CSMD3: variants seen among roughly 807,000 people sequenced by gnomAD.
CSMD3 encodes the protein CUB and sushi domain-containing protein 3.
CSMD3 carries 177 observed loss-of-function variants against 435.2 expected under a neutral mutation model. The observed-to-expected ratio is 0.41, with a 90% CI of 0.36 to 0.46. CSMD3 has a LOEUF of 0.46. Among genes scored for constraint, CSMD3 ranks in the 20% least tolerant of loss-of-function variants. The pLI, the probability that CSMD3 is intolerant of heterozygous loss-of-function variation, is 0.34. For missense variants in CSMD3, 4,265 were observed against 4,504.6 expected, an observed-to-expected ratio of 0.95 and a Z score of 1.52; for synonymous variants, 1,656 against 1,520.5, an observed-to-expected ratio of 1.09 and a Z score of -2.07.
rs545386567 is a variant in CSMD3 at position 113,160,404 on chromosome 8, T to C, written c.709+13318A>G. 7.2e-5 allele frequency among the ~76,000 whole-genome samples: 11 copies of C among 152,064 alleles called. No homozygotes were observed. The South Asian group carries it at 2.3e-3, about 32-fold the overall frequency. On this transcript the variant is annotated intron_variant, in intron 4 of 70. Transcript: ENST00000297405. ...ATTTTTAAGTGTTGAATTCAAAACG[T>C]CTAACGTATTCAAGGTGTTCAGTCA...
intron 69 of CSMD3, among the ~76,000 whole-genome samples, chr8:112,230,275 T>C (rs1812967293): frequency 6.6e-6 from 1 of 152,328 alleles, no homozygotes; most frequent in Non-Finnish European, 1.5e-5. Flanking sequence ...ACTATGTTAA[T>C]GAGTGTTTTT....
chr8:113,422,069 G>A (rs956948548), intron 1 of CSMD3, among the ~76,000 whole-genome samples: 3 of 152,048 alleles, frequency 2.0e-5, no homozygotes, highest in Non-Finnish European at 4.4e-5. Context: ...CCTGTAAATC[G>A]TTTACTAATC....
At chr8:113,243,877 T>C (rs1012671002) in intron 3 of CSMD3, among the ~76,000 whole-genome samples, 1 of 152,192 alleles carries the variant, frequency 6.6e-6, no homozygotes, top group African/African-American at 2.4e-5. Context: ...AACATGTTTA[T>C]GTGCTTATTG....
At chr8:112,368,944 T>A (rs1041175207) in intron 38 of CSMD3, among the ~76,000 whole-genome samples, 1 of 152,158 alleles carries the variant, frequency 6.6e-6, no homozygotes, top group Non-Finnish European at 1.5e-5. Flanking sequence ...TACTTGAAAA[T>A]GTTAGCTTTT....
intron 9 of CSMD3, among the ~76,000 whole-genome samples, chr8:112,938,109 G>C (rs753816697): frequency 1.1e-4 from 17 of 152,088 alleles, no homozygotes; most frequent in African/African-American, 4.1e-4. Flanking sequence ...CAGGCTGCTG[G>C]AACTGCCTGT....
intron 5 of CSMD3, among the ~76,000 whole-genome samples, chr8:113,055,922 A>G (rs2088315307): frequency 6.6e-6 from 1 of 152,200 alleles, no homozygotes; most frequent in South Asian, 2.1e-4. Flanking sequence ...AAGGTCTTAT[A>G]TGAGAAGCTG....
chr8:113,347,931 G>C (rs938958100), intron 1 of CSMD3, among the ~76,000 whole-genome samples: 4 of 152,026 alleles, frequency 2.6e-5, no homozygotes, highest in Non-Finnish European at 5.9e-5. Flanking sequence ...TATTTTCCAG[G>C]AGTGAATACC....
chr8:112,570,857 T>G (rs1829450806), intron 24 of CSMD3, among the ~76,000 whole-genome samples: 1 of 152,154 alleles, frequency 6.6e-6, no homozygotes, highest in Admixed American at 6.6e-5. Context: ...ATATGGAAAT[T>G]TTTAGTTTTA....
intron 13 of CSMD3, among the ~76,000 whole-genome samples, chr8:112,796,624 C>CT (rs1276872465): frequency 1.3e-5 from 2 of 151,966 alleles, no homozygotes; most frequent in Admixed American, 6.6e-5. Flanking sequence ...AAAGAACTCT[C>CT]TTTTTTTCTT....
At chr8:112,866,042 G>A (rs137865593) in intron 10 of CSMD3, among the ~76,000 whole-genome samples, 2 of 152,136 alleles carry the variant, frequency 1.3e-5, no homozygotes, top group Non-Finnish European at 2.9e-5. Context: ...GAACAAGCAC[G>A]TCCTACTGCC....
chr8:113,340,041 T>C (rs1479086109), intron 1 of CSMD3, among the ~76,000 whole-genome samples: 2 of 152,042 alleles, frequency 1.3e-5, no homozygotes, highest in African/African-American at 2.4e-5. Flanking sequence ...TTTACTTAAC[T>C]TTGAAGTATA....
At chr8:112,903,190 G>A (rs1421565852) in intron 10 of CSMD3, among the ~76,000 whole-genome samples, 3 of 147,348 alleles carry the variant, frequency 2.0e-5, no homozygotes, top group Non-Finnish European at 4.5e-5. Flanking sequence ...AGAAAACATG[G>A]CCTAGGAGAT....
At chr8:113,329,360 T>C (rs536065292) in intron 1 of CSMD3, among the ~76,000 whole-genome samples, 28 of 151,314 alleles carry the variant, frequency 1.9e-4, no homozygotes, top group Non-Finnish European at 1.6e-4. Flanking sequence ...AAAAGAAAAA[T>C]TCACTAAAGG....
At position 112,638,800 on chromosome 8, in the gene CSMD3, A is replaced by C. The variant is rs1189131110; in HGVS notation, c.3422T>G (p.Leu1141Arg). 1.2e-6 allele frequency: 2 copies of C among 1,612,504 alleles called. No individual in the cohort carries two copies. Among genetic ancestry groups the C allele is most frequent in the African/African-American group, 2.7e-5 (2 of 74,946 alleles). The change falls in exon 21 of 71, where the codon CTT becomes CGT. Residue 1141 changes from leucine (L) to arginine (R), a missense_variant. Coordinates refer to ENST00000297405, the MANE Select transcript of CSMD3 (RefSeq NM_198123.2). ...QPLARLTGSD[L>R]PPTINAGLYG... ...GAGACCAGCATTGATTGTTGGAGGA[A>C]GATCTGAACCAGTCAGGCGTGCCAG...
At chr8:113,121,611 C>T (rs1210758667) in intron 4 of CSMD3, among the ~76,000 whole-genome samples, 1 of 152,008 alleles carries the variant, frequency 6.6e-6, no homozygotes, top group Non-Finnish European at 1.5e-5. Flanking sequence ...AATTTCCAAA[C>T]TGAGCAATCA....
intron 4 of CSMD3, among the ~76,000 whole-genome samples, chr8:113,159,537 A>G (rs1049337927): frequency 7.9e-5 from 12 of 152,008 alleles, no homozygotes; most frequent in Non-Finnish European, 1.5e-4. Flanking sequence ...TTCTGAAGCA[A>G]TTAAGCAACT....
At chr8:113,095,403 T>C (rs2090133583) in intron 5 of CSMD3, among the ~76,000 whole-genome samples, 1 of 152,202 alleles carries the variant, frequency 6.6e-6, no homozygotes, top group Admixed American at 6.5e-5. Context: ...ATAATATCTC[T>C]TCTCCAATTC....
At chr8:112,475,583 A>G (rs1818963628) in intron 31 of CSMD3, among the ~76,000 whole-genome samples, 2 of 151,058 alleles carry the variant, frequency 1.3e-5, no homozygotes, top group African/African-American at 2.4e-5. Flanking sequence ...ATACACATCT[A>G]TTGTAATTTG....
intron 23 of CSMD3, among the ~76,000 whole-genome samples, chr8:112,576,302 A>G (rs187440530): frequency 3.1e-4 from 47 of 152,226 alleles, no homozygotes; most frequent in African/African-American, 1.0e-3. Flanking sequence ...AGTAGAAACT[A>G]TTACTTGATA....
Sources: allele counts gnomAD v4.1 joint callset (sites outside exome capture counted in the v4.1 genomes callset), GRCh38; gene constraint gnomAD v4.1.1; transcripts MANE v1.5; gene names NCBI Gene and HGNC (gene_info 2026-07-23, HGNC 2026-07-21).